SLC7A6: variants seen among roughly 807,000 people sequenced by gnomAD.
SLC7A6 encodes Y+L amino acid transporter 2.
Under a neutral mutation model 46.6 loss-of-function variants are expected in SLC7A6, and 29 were observed. That is an observed-to-expected ratio of 0.62 (90% confidence interval 0.46 to 0.85). SLC7A6 has a LOEUF of 0.85. Among genes scored for constraint, SLC7A6 ranks in the 40% least tolerant of loss-of-function variants. The pLI, the probability that SLC7A6 is intolerant of heterozygous loss-of-function variation, is 0.00. For missense variants in SLC7A6, 527 were observed against 647.6 expected, an observed-to-expected ratio of 0.81 and a Z score of 2.02; for synonymous variants, 276 against 257.3, an observed-to-expected ratio of 1.07 and a Z score of -0.70.
chr16:68,281,028 C>G (rs1407407533), intron 3 of SLC7A6, among the ~76,000 whole-genome samples: 1 of 152,246 alleles, frequency 6.6e-6, no homozygotes, highest in African/African-American at 2.4e-5. Flanking sequence ...CCACGGCGCC[C>G]AGCCGGCTGT....
At chr16:68,288,079 G>A (rs1322419813) in intron 4 of SLC7A6, among the ~76,000 whole-genome samples, 1 of 152,202 alleles carries the variant, frequency 6.6e-6, no homozygotes, top group African/African-American at 2.4e-5. Flanking sequence ...GTCCCTCAGG[G>A]CTGGTTTCCT....
intron 3 of SLC7A6, among the ~76,000 whole-genome samples, chr16:68,277,014 A>AAAAC (rs1567585323): frequency 6.6e-6 from 1 of 151,946 alleles, no homozygotes; most frequent in Non-Finnish European, 1.5e-5. Flanking sequence ...CAAAACAAAA[A>AAAAC]AAAAACCTCA....
intron 2 of SLC7A6, among the ~76,000 whole-genome samples, chr16:68,270,096 C>T (rs2042600639): frequency 6.6e-6 from 1 of 152,148 alleles, no homozygotes; most frequent in African/African-American, 2.4e-5. Context: ...TCTCTGTGCA[C>T]CTATGCCTCA....
intron 3 of SLC7A6, among the ~76,000 whole-genome samples, chr16:68,280,936 T>C (rs1454630504): frequency 6.6e-6 from 1 of 152,202 alleles, no homozygotes; most frequent in Non-Finnish European, 1.5e-5. Flanking sequence ...GGTTTCACCA[T>C]GTTAGCCAGG....
rs772884292 is a variant in SLC7A6, at chr16:68,301,347, C to T, written c.*4019C>T. ...GCACATCCAGAGGGTACTTGCTCCA[C>T]ATCCGCTGTCTGCTGCTGCCTCTTT... On this transcript the variant is annotated 3_prime_UTR_variant, in exon 11 of 11. Coordinates refer to ENST00000219343, the MANE Select transcript of SLC7A6 (RefSeq NM_003983.6). The T allele has an allele frequency of 6.2e-7, 1 of 1,614,192 alleles. No homozygotes were observed. The highest frequency in any genetic ancestry group is 2.2e-5 in the East Asian group (1 of 44,884).
At chr16:68,291,030 G>T in intron 5 of SLC7A6, 179 bp from the exon 6 acceptor site, 1 of 698,550 alleles carries the variant, frequency 1.4e-6, no homozygotes, top group African/African-American at 1.8e-5. Context: ...TATCTTCACA[G>T]AGAAAGTTGG....
intron 2 of SLC7A6, among the ~76,000 whole-genome samples, chr16:68,268,945 T>C (rs558708587): frequency 1.3e-5 from 2 of 152,168 alleles, no homozygotes; most frequent in South Asian, 4.2e-4. Flanking sequence ...AGGCGGAGGT[T>C]GCAGTGAGCC....
chr16:68,269,364 A>G (rs1334823090), intron 2 of SLC7A6, among the ~76,000 whole-genome samples: 2 of 152,142 alleles, frequency 1.3e-5, no homozygotes, highest in Non-Finnish European at 2.9e-5. Flanking sequence ...GGAACAGTAG[A>G]GACTGAGGTA....
At position 68,297,470 on chromosome 16, in the gene SLC7A6, C is replaced by A; in HGVS notation, c.*142C>A. ...GTGGGGCTCAGGGCCAGTGCTCACTCTTATTGGTAAGCTATAGGAGACTCA... is the reference window on the plus strand; with the variant it reads ...GTGGGGCTCAGGGCCAGTGCTCACTATTATTGGTAAGCTATAGGAGACTCA... On this transcript the variant is annotated 3_prime_UTR_variant, in exon 11 of 11. Transcript: ENST00000219343. 3.4e-6 allele frequency: 2 copies of A among 584,604 alleles called. No homozygotes were observed. Among genetic ancestry groups the A allele is most frequent in the Non-Finnish European group, 5.8e-6 (2 of 347,756 alleles). 36.2% of individuals were successfully genotyped at this position (584,604 alleles called of 1,614,324 possible). A position where few individuals can be genotyped will look rare whatever the true frequency, so the allele number is the denominator to read the frequency against.
chr16:68,296,703 T>C lies in SLC7A6; in HGVS notation c.1346T>C (p.Ile449Thr). Residue 449 changes from isoleucine (I) to threonine (T), a missense_variant, in exon 10 of 11, where the codon ATT (isoleucine) becomes ACT (threonine). Transcript: ENST00000219343. The stretch of plus-strand genomic sequence containing the variant: ...ATAGTGCCCCTCTTCACTGACACCA[T>C]TAATTCCCTCATTGGCATCGGGATT... ...LVIVPLFTDT[I>T]NSLIGIGIAL... 11 of 1,614,218 alleles carry C rather than the reference T, an allele frequency of 6.8e-6. No homozygotes were observed. The highest frequency in any genetic ancestry group is 8.5e-6 in the Non-Finnish European group (10 of 1,180,036).
At chr16:68,294,664 A>C (rs372173191) in intron 7 of SLC7A6, 41 bp from the exon 8 acceptor site, 56 of 1,385,482 alleles carry the variant, frequency 4.0e-5, no homozygotes, top group Non-Finnish European at 5.0e-5. Flanking sequence ...GCTGAGTAAA[A>C]GGAGTAAAGG....
At chr16:68,292,035 T>C (rs899622967) in intron 7 of SLC7A6, 4 of 208,424 alleles carry the variant, frequency 1.9e-5, no homozygotes, top group African/African-American at 7.0e-5. Context: ...TGAGGACAGA[T>C]TGATGAAAGG....
intron 8 of SLC7A6, chr16:68,295,040 C>T (rs535669812): frequency 6.7e-5 from 26 of 386,382 alleles, no homozygotes; most frequent in Middle Eastern, 6.6e-4. Context: ...AATTTTTTCT[C>T]GAATGGCAGC....
chr16:68,300,722 C>G lies in SLC7A6; in HGVS notation c.*3394C>G. 1.0e-6 allele frequency: 1 copy of G among 985,502 alleles called. No homozygotes were observed. Among genetic ancestry groups the G allele is most frequent in the South Asian group, 4.7e-5 (1 of 21,286 alleles). 61.0% of individuals were successfully genotyped at this position (985,502 alleles called of 1,614,324 possible). On this transcript the variant is annotated 3_prime_UTR_variant, in exon 11 of 11. Coordinates refer to ENST00000219343, the MANE Select transcript of SLC7A6 (RefSeq NM_003983.6). The stretch of plus-strand genomic sequence containing the variant: ...CAGTCAGTAATTTCACAACCGTTAT[C>G]AGAGTTTGGAAGCAGAAATAGCTGT...
chr16:68,290,661 C>T, intron 5 of SLC7A6, 121 bp downstream of exon 5: 13 of 1,212,308 alleles, frequency 1.1e-5, no homozygotes, highest in Admixed American at 1.9e-5. Context: ...TCCCTACTCC[C>T]CCTTCTCCAG....
intron 8 of SLC7A6, among the ~76,000 whole-genome samples, chr16:68,296,115 T>C (rs1392220157): frequency 6.6e-6 from 1 of 152,076 alleles, no homozygotes; most frequent in African/African-American, 2.4e-5. Flanking sequence ...TCTAAAGTGC[T>C]TGCAACAAGG....
chr16:68,290,990 T>C, intron 5 of SLC7A6: 1 of 572,652 alleles, frequency 1.7e-6, no homozygotes, highest in Non-Finnish European at 3.1e-6. Flanking sequence ...TTGGTCCTAC[T>C]GTGGCAAAGA....
chr16:68,278,134 T>A (rs974910939), intron 3 of SLC7A6, among the ~76,000 whole-genome samples: 1 of 151,730 alleles, frequency 6.6e-6, no homozygotes, highest in African/African-American at 2.4e-5. Context: ...TTTTTGTATT[T>A]TTAGTACAGA....
chr16:68,291,495 A>T, intron 6 of SLC7A6, 63 bp from the exon 7 acceptor site: 2 of 1,592,056 alleles, frequency 1.3e-6, no homozygotes, highest in East Asian at 4.5e-5. Context: ...TTCCGAGATC[A>T]TAGATGCAGG....
Sources: allele counts gnomAD v4.1 joint callset (sites outside exome capture counted in the v4.1 genomes callset), GRCh38; gene constraint gnomAD v4.1.1; transcripts MANE v1.5; gene names NCBI Gene and HGNC (gene_info 2026-07-23, HGNC 2026-07-21).